ZBTB20: variants seen among roughly 807,000 people sequenced by gnomAD.
ZBTB20 encodes zinc finger and BTB domain containing 20.
Under a neutral mutation model 56.9 loss-of-function variants are expected in ZBTB20, and 9 were observed. That is an observed-to-expected ratio of 0.16 (90% CI 0.10 to 0.28). The LOEUF is 0.28. ZBTB20 is among the 10% of genes least tolerant of loss of function. The pLI, the probability that ZBTB20 is intolerant of heterozygous loss-of-function variation, is 1.00. For synonymous variants in ZBTB20, 417 were observed against 420.7 expected, an observed-to-expected ratio of 0.99 and a Z score of 0.11; for missense variants, 655 against 1,003.0, an observed-to-expected ratio of 0.65 and a Z score of 4.69.
chr3:114,757,947 A>T (rs1435913920), intron 5 of ZBTB20, among the ~76,000 whole-genome samples: 1 of 152,134 alleles, frequency 6.6e-6, no homozygotes, highest in Non-Finnish European at 1.5e-5. Flanking sequence ...TTGTTAAAAC[A>T]TCTTGCAATT....
chr3:114,888,595 G>A (rs1401248070), intron 4 of ZBTB20, among the ~76,000 whole-genome samples: 2 of 151,946 alleles, frequency 1.3e-5, no homozygotes, highest in Admixed American at 1.3e-4. Flanking sequence ...TTTCATCAAT[G>A]GAAATTTAAA....
At chr3:114,824,203 A>G (rs893996541) in intron 4 of ZBTB20, among the ~76,000 whole-genome samples, 1 of 152,042 alleles carries the variant, frequency 6.6e-6, no homozygotes, top group African/African-American at 2.4e-5. Flanking sequence ...ATCTTAAGGA[A>G]TTTATGATGT....
intron 10 of ZBTB20, among the ~76,000 whole-genome samples, chr3:114,371,959 A>G (rs2083067896): frequency 6.6e-6 from 1 of 152,210 alleles, no homozygotes; most frequent in African/African-American, 2.4e-5. Context: ...TGATGAAGTA[A>G]TAAGGTATGT....
In ZBTB20 at chr3:114,788,076, A is replaced by G. The variant is rs186548753; in HGVS notation, c.-343+13025T>C. 2.3e-4 allele frequency among the ~76,000 whole-genome samples: 35 copies of G among 152,320 alleles called. 1 individual carries two copies. The highest frequency in any genetic ancestry group is 2.0e-3 in the Admixed American group (30 of 15,286). ...AAGCCAATAAATTACCATATTTCATAAAAATCTAATGATTCTGTGAACAGA... is the reference window on the plus strand; with the variant it reads ...AAGCCAATAAATTACCATATTTCATGAAAATCTAATGATTCTGTGAACAGA... On this transcript the variant is annotated intron_variant, in intron 5 of 11. Coordinates refer to ENST00000675478, the MANE Select transcript of ZBTB20 (RefSeq NM_001348800.3).
At chr3:114,584,540 G>A (rs891059907) in intron 6 of ZBTB20, among the ~76,000 whole-genome samples, 5 of 150,018 alleles carry the variant, frequency 3.3e-5, no homozygotes, top group African/African-American at 1.2e-4. Context: ...AAAAAAAAAA[G>A]GCTCTCTTCT....
At chr3:114,978,403 A>G (rs1264329816) in intron 2 of ZBTB20, among the ~76,000 whole-genome samples, 5 of 151,016 alleles carry the variant, frequency 3.3e-5, no homozygotes, top group Admixed American at 1.3e-4. Flanking sequence ...AATAGCAATG[A>G]AAGAAATGCA....
intron 5 of ZBTB20, among the ~76,000 whole-genome samples, chr3:114,786,727 AG>A (rs1452004937): frequency 6.6e-6 from 1 of 152,056 alleles, no homozygotes; most frequent in Non-Finnish European, 1.5e-5. Flanking sequence ...AAAGAAAAAA[AG>A]TATTTCCATT....
At chr3:114,803,974 T>C (rs1281264134) in intron 4 of ZBTB20, among the ~76,000 whole-genome samples, 1 of 151,874 alleles carries the variant, frequency 6.6e-6, no homozygotes, top group Non-Finnish European at 1.5e-5. Flanking sequence ...CTTCTTTAAT[T>C]GGAAGAAAAC....
At chr3:114,706,855 T>C (rs1184090945) in intron 5 of ZBTB20, among the ~76,000 whole-genome samples, 1 of 151,918 alleles carries the variant, frequency 6.6e-6, no homozygotes, top group Non-Finnish European at 1.5e-5. Flanking sequence ...GGCTTTCAGA[T>C]CAAATGACGA....
chr3:115,117,884 T>C (rs951138576), intron 1 of ZBTB20, among the ~76,000 whole-genome samples: 11 of 152,310 alleles, frequency 7.2e-5, no homozygotes, highest in African/African-American at 2.6e-4. Context: ...ATCTTACTCT[T>C]AATTATTCAT....
At chr3:115,063,549 T>C (rs1203086782) in intron 2 of ZBTB20, among the ~76,000 whole-genome samples, 1 of 152,092 alleles carries the variant, frequency 6.6e-6, no homozygotes, top group South Asian at 2.1e-4. Context: ...CATTAAAGAT[T>C]AGGTTTTCAA....
chr3:114,523,039 A>G (rs1184083479), intron 6 of ZBTB20, among the ~76,000 whole-genome samples: 1 of 152,140 alleles, frequency 6.6e-6, no homozygotes, highest in East Asian at 1.9e-4. Context: ...ATTGAGCTCT[A>G]GGGCCCTCTA....
intron 4 of ZBTB20, among the ~76,000 whole-genome samples, chr3:114,802,030 T>C (rs2071758269): frequency 1.3e-5 from 2 of 151,938 alleles, no homozygotes; most frequent in African/African-American, 4.8e-5. Flanking sequence ...CTATAAATAA[T>C]AGTATTTTTT....
Position 115,147,272 on chromosome 3 carries a change from T to G in ZBTB20, c.-756A>C. On this transcript the variant is annotated 5_prime_UTR_variant, in exon 1 of 12. Transcript: ENST00000675478. ...CAACTCCTAAACTTCCCCCCGCCCC[T>G]ACTTCTTCGGCAGAAGGCCCACATT... is the stretch of plus-strand genomic sequence containing the variant. The G allele has an allele frequency of 7.0e-6, 1 of 143,856 alleles. No homozygotes were observed. The highest frequency in any genetic ancestry group is 2.2e-4 in the East Asian group (1 of 4,604). 8.9% of individuals were successfully genotyped at this position (143,856 alleles called of 1,614,324 possible). A position where few individuals can be genotyped will look rare whatever the true frequency, so the allele number is the denominator to read the frequency against.
At chr3:114,397,936 C>G (rs1393562406) in intron 7 of ZBTB20, among the ~76,000 whole-genome samples, 1 of 152,124 alleles carries the variant, frequency 6.6e-6, no homozygotes, top group Non-Finnish European at 1.5e-5. Flanking sequence ...GACTCCCTAT[C>G]AAATGAGTCC....
At chr3:115,002,269 CT>C (rs1415715386) in intron 2 of ZBTB20, among the ~76,000 whole-genome samples, 1 of 151,362 alleles carries the variant, frequency 6.6e-6, no homozygotes, top group Non-Finnish European at 1.5e-5. Flanking sequence ...AACTGTAAAA[CT>C]TTTAGAAGAT....
At chr3:114,642,716 A>G (rs543178551) in intron 6 of ZBTB20, among the ~76,000 whole-genome samples, 28 of 152,206 alleles carry the variant, frequency 1.8e-4, no homozygotes, top group Admixed American at 1.0e-3. Flanking sequence ...AATTCATAAT[A>G]GCTCTACAAC....
chr3:114,830,972 G>A (rs138138597), intron 4 of ZBTB20, among the ~76,000 whole-genome samples: 4 of 151,532 alleles, frequency 2.6e-5, no homozygotes, highest in Non-Finnish European at 5.9e-5. Context: ...TATTAAGCCC[G>A]GATTTATCTC....
intron 1 of ZBTB20, among the ~76,000 whole-genome samples, chr3:115,097,601 A>G (rs1046092604): frequency 1.1e-4 from 17 of 152,282 alleles, no homozygotes; most frequent in African/African-American, 4.1e-4. Context: ...GTAACTTCTT[A>G]GAGCACTTCC....
Sources: gnomAD v4.1 joint callset for allele counts (sites outside exome capture counted in the v4.1 genomes callset) on GRCh38, gnomAD v4.1.1 for gene constraint, MANE v1.5 for transcripts, NCBI Gene and HGNC (gene_info 2026-07-23, HGNC 2026-07-21) for gene names.